The following LANCL1 variants were observed in gnomAD, a reference collection of about 807,000 sequenced individuals.
The protein encoded by LANCL1 is glutathione S-transferase LANCL1.
In LANCL1, 50 loss-of-function variants were observed where a neutral mutation model predicts 50.6. That is an observed-to-expected ratio of 0.99 (90% CI 0.79 to 1.25). The LOEUF (loss-of-function observed/expected upper bound fraction) is 1.25. Among genes scored for constraint, LANCL1 ranks in the 50% most tolerant of loss-of-function variants. The pLI, the probability that LANCL1 is intolerant of heterozygous loss-of-function variation, is 0.00. For synonymous variants in LANCL1, 188 were observed against 178.6 expected (o/e 1.05, Z -0.42); for missense variants, 532 against 480.7 (o/e 1.11, Z -1.00).
chr2:210,468,657 C>T (rs1219420434), intron 3 of LANCL1: 1 of 152,220 alleles, frequency 6.6e-6, no homozygotes, highest in Non-Finnish European at 1.5e-5. Flanking sequence ...TTAATGCATT[C>T]TTCTTTGCCT....
chr2:210,475,149 A>G (rs1694320918), intron 2 of LANCL1, among the ~76,000 whole-genome samples: 1 of 152,158 alleles, frequency 6.6e-6, no homozygotes, highest in African/African-American at 2.4e-5. Flanking sequence ...CTATAATGTG[A>G]CAAGTGTTTT....
Position 210,438,228 on chromosome 2 carries a change from G to A in LANCL1, c.691-356C>T, listed in dbSNP as rs190114000. Among the ~76,000 whole-genome samples, 596 of 147,654 alleles carry A rather than the reference G, an allele frequency of 4.0e-3. 5 individuals are homozygous for A. The highest frequency in any genetic ancestry group is 0.029 in the South Asian group (131 of 4,586). ...TGGCTCCCTGCAACCTCCACCTCCCGGGTTCAAGTGATTGTCCTGTCTCAG... is the reference window on the plus strand; with the variant it reads ...TGGCTCCCTGCAACCTCCACCTCCCAGGTTCAAGTGATTGTCCTGTCTCAG... On this transcript the variant is annotated intron_variant, in intron 6 of 9. Coordinates refer to ENST00000450366, the MANE Select transcript of LANCL1 (RefSeq NM_006055.3).
intron 4 of LANCL1, among the ~76,000 whole-genome samples, chr2:210,451,945 T>C (rs1693523913): frequency 6.6e-6 from 1 of 152,168 alleles, no homozygotes. Context: ...AGAACAAATG[T>C]ATAATCCACT....
At chr2:210,457,758 GTGCTATC>G (rs1693713684) in intron 3 of LANCL1, among the ~76,000 whole-genome samples, 2 of 152,050 alleles carry the variant, frequency 1.3e-5, no homozygotes, top group Non-Finnish European at 2.9e-5. Flanking sequence ...ATATGCTTAT[GTGCTATC>G]TGTTAAGTTT....
rs59908560 is a variant in LANCL1 at position 210,455,317 on chromosome 2, GAA to G, written c.200-5_200-4del. The G allele has an allele frequency of 2.3e-5, 32 of 1,420,854 alleles. No individual in the cohort carries two copies. Among genetic ancestry groups the G allele is most frequent in the South Asian group, 3.9e-5 (3 of 77,360 alleles). 88.0% of individuals were successfully genotyped at this position (1,420,854 alleles called of 1,614,324 possible). A position where few individuals can be genotyped will look rare whatever the true frequency, so the allele number is the denominator to read the frequency against. Reference sequence around the variant, plus strand: ...ATGTAAGTAAAGCACAGCAATACCTGAAAAAAAAAAAAGGAAACAATGTAAAG... The same window carrying G: ...ATGTAAGTAAAGCACAGCAATACCTGAAAAAAAAAAGGAAACAATGTAAAG... On this transcript the variant is annotated splice_region_variant and splice_polypyrimidine_tract_variant and intron_variant, in intron 3 of 9. Coordinates refer to ENST00000450366, the MANE Select transcript of LANCL1 (RefSeq NM_006055.3).
At position 210,432,869 on chromosome 2, in the gene LANCL1, A is replaced by G. The variant is rs1420140099; in HGVS notation, c.*1618T>C. 6.6e-6 allele frequency: 1 copy of G among 152,272 alleles called. No homozygotes were observed. Among genetic ancestry groups the G allele is most frequent in the Non-Finnish European group, 1.5e-5 (1 of 68,042 alleles). 9.4% of individuals were successfully genotyped at this position (152,272 alleles called of 1,614,324 possible). A position where few individuals can be genotyped will look rare whatever the true frequency, so the allele number is the denominator to read the frequency against. ...GCACAAGGTAGTGCCAACTTACACA[A>G]GTGACAGAAGGAGGAAGCTGATCCT... On this transcript the variant is annotated 3_prime_UTR_variant, in exon 10 of 10. Coordinates refer to ENST00000450366, the MANE Select transcript of LANCL1 (RefSeq NM_006055.3).
chr2:210,435,893 C>CTTTTTTT (rs71043994), intron 8 of LANCL1, among the ~76,000 whole-genome samples: 92 of 64,258 alleles, frequency 1.4e-3, no homozygotes, highest in Non-Finnish European at 2.1e-3. Context: ...GGGAGACCTG[C>CTTTTTTT]TTTTTTTTTT....
chr2:210,441,875 G>A (rs1239355404), intron 4 of LANCL1, among the ~76,000 whole-genome samples: 1 of 151,688 alleles, frequency 6.6e-6, no homozygotes, highest in Non-Finnish European at 1.5e-5. Context: ...ACTTGAAGTA[G>A]GTTTCATCTA....
At chr2:210,450,636 A>G (rs548912865) in intron 4 of LANCL1, among the ~76,000 whole-genome samples, 1 of 152,326 alleles carries the variant, frequency 6.6e-6, no homozygotes, top group South Asian at 2.1e-4. Context: ...AATTTACAAG[A>G]AAAAAACATA....
chr2:210,466,897 T>C (rs974221000), intron 3 of LANCL1, among the ~76,000 whole-genome samples: 1 of 152,004 alleles, frequency 6.6e-6, no homozygotes, highest in Non-Finnish European at 1.5e-5. Flanking sequence ...TGTGCATGAC[T>C]TCACAGGCAC....
rs374407267 is a variant in LANCL1, at chr2:210,476,706, G to A, written c.-103C>T. The A allele has an allele frequency of 1.2e-5, 14 of 1,162,136 alleles. No homozygotes were observed. The East Asian group carries it at 3.0e-4, about 25-fold the overall frequency. The allele number at this position is 1,162,136 out of a possible 1,614,324, so 72.0% of individuals were successfully genotyped here. On this transcript the variant is annotated 5_prime_UTR_variant, in exon 1 of 10. Coordinates refer to ENST00000450366, the MANE Select transcript of LANCL1 (RefSeq NM_006055.3). Reference sequence around the variant, plus strand: ...CCTCCCGCGTCCTGAAGCCCTTCTCGGCCCTGGCCTCTCACCCCGCAGCCC... The same window carrying A: ...CCTCCCGCGTCCTGAAGCCCTTCTCAGCCCTGGCCTCTCACCCCGCAGCCC...
At chr2:210,464,679 C>A (rs994433223) in intron 3 of LANCL1, among the ~76,000 whole-genome samples, 2 of 152,018 alleles carry the variant, frequency 1.3e-5, no homozygotes, top group Non-Finnish European at 2.9e-5. Context: ...AAAACTTATG[C>A]GTACAGGCCG....
intron 3 of LANCL1, chr2:210,468,895 T>C (rs537890760): frequency 2.0e-5 from 3 of 152,368 alleles, no homozygotes; most frequent in African/African-American, 7.2e-5. Flanking sequence ...TACTTCTGTT[T>C]TCTTTTTTGG....
At chr2:210,438,543 A>C (rs1418308930) in intron 6 of LANCL1, among the ~76,000 whole-genome samples, 1 of 152,230 alleles carries the variant, frequency 6.6e-6, no homozygotes, top group Non-Finnish European at 1.5e-5. Context: ...TCATGGTTTC[A>C]ATATATAAAA....
intron 4 of LANCL1, among the ~76,000 whole-genome samples, chr2:210,445,039 T>C (rs774112272): frequency 2.4e-4 from 36 of 152,180 alleles, no homozygotes; most frequent in Admixed American, 2.0e-4. Context: ...CAGTAAACAA[T>C]GAATATCTCA....
chr2:210,476,527 G>T, intron 1 of LANCL1, 93 bp downstream of exon 1: 1 of 1,408,700 alleles, frequency 7.1e-7, no homozygotes, highest in Non-Finnish European at 9.3e-7. Flanking sequence ...CCATCGAGCC[G>T]TCTCGGCGGT....
At chr2:210,453,219 A>C (rs149211770) in intron 4 of LANCL1, among the ~76,000 whole-genome samples, 44 of 152,350 alleles carry the variant, frequency 2.9e-4, no homozygotes, top group Admixed American at 7.8e-4. Flanking sequence ...AATGACAACA[A>C]CACCCTTAGT....
chr2:210,469,137 CAT>C (rs1255257156), intron 3 of LANCL1: 1 of 152,072 alleles, frequency 6.6e-6, no homozygotes, highest in Admixed American at 6.5e-5. Flanking sequence ...CACAAAGTAA[CAT>C]AAAAATCTAC....
chr2:210,466,526 C>T (rs1406285832), intron 3 of LANCL1, among the ~76,000 whole-genome samples: 2 of 152,150 alleles, frequency 1.3e-5, no homozygotes, highest in African/African-American at 4.8e-5. Context: ...AGCCGTCTTG[C>T]CTGTTTTTGA....
Sources: gnomAD v4.1 joint callset for allele counts (sites outside exome capture counted in the v4.1 genomes callset) on GRCh38, gnomAD v4.1.1 for gene constraint, MANE v1.5 for transcripts, NCBI Gene and HGNC (gene_info 2026-07-23, HGNC 2026-07-21) for gene names.